DTWD2: variants seen among roughly 807,000 people sequenced by gnomAD.
DTWD2 encodes tRNA-uridine aminocarboxypropyltransferase 2.
In DTWD2, 39 loss-of-function variants were observed where a neutral mutation model predicts 31.8. That is an observed-to-expected ratio of 1.22 (90% CI 0.95 to 1.60). The LOEUF (loss-of-function observed/expected upper bound fraction) is 1.60. DTWD2 is among the 40% of genes most tolerant of loss of function. The pLI is 0.00. For missense variants in DTWD2, 515 were observed against 381.5 expected (o/e 1.35, Z -2.92); for synonymous variants, 180 against 142.8 (o/e 1.26, Z -1.86).
chr5:118,942,475 T>C (rs1375648165), intron 2 of DTWD2, among the ~76,000 whole-genome samples: 1 of 151,710 alleles, frequency 6.6e-6, no homozygotes, highest in African/African-American at 2.4e-5. Context: ...CATGGATTAA[T>C]AATGGTCAAA....
chr5:118,863,683 T>C (rs1015200790), intron 4 of DTWD2, among the ~76,000 whole-genome samples: 17 of 152,170 alleles, frequency 1.1e-4, no homozygotes, highest in Non-Finnish European at 1.3e-4. Context: ...ACATGCAGCT[T>C]GAGATGAAAA....
At chr5:118,942,714 T>G (rs760843638) in intron 2 of DTWD2, among the ~76,000 whole-genome samples, 16 of 151,988 alleles carry the variant, frequency 1.1e-4, no homozygotes, top group Non-Finnish European at 1.8e-4. Context: ...AAAAGCTATC[T>G]TATATCTGGA....
At chr5:118,975,319 C>T (rs1755127650) in intron 1 of DTWD2, among the ~76,000 whole-genome samples, 1 of 152,038 alleles carries the variant, frequency 6.6e-6, no homozygotes, top group African/African-American at 2.4e-5. Context: ...ATCGATTTGG[C>T]TACTGATACT....
intron 4 of DTWD2, among the ~76,000 whole-genome samples, chr5:118,848,480 A>C (rs1387557297): frequency 6.6e-6 from 1 of 152,200 alleles, no homozygotes; most frequent in East Asian, 1.9e-4. Flanking sequence ...GTGAATATAC[A>C]CTTCACAAAA....
At position 118,836,154 on chromosome 5, in the gene DTWD2, G is replaced by A. The variant is rs908146105; in HGVS notation, c.*4763C>T. Among the ~76,000 whole-genome samples, 2 of 151,938 alleles carry A rather than the reference G, an allele frequency of 1.3e-5. No individual in the cohort carries two copies. The highest frequency in any genetic ancestry group is 4.8e-5 in the African/African-American group (2 of 41,366). ...AGACATATAGTAAAATTTCTTATTC[G>A]AATAATTTTTTTAAAAAACCTTACA... On this transcript the variant is annotated 3_prime_UTR_variant, in exon 6 of 6. Transcript: ENST00000510708.
At position 118,848,143 on chromosome 5, in the gene DTWD2, C is replaced by G; in HGVS notation, c.673G>C (p.Glu225Gln). 10 of 1,607,054 alleles carry G rather than the reference C, an allele frequency of 6.2e-6. No individual in the cohort carries two copies. The highest frequency in any genetic ancestry group is 8.5e-6 in the Non-Finnish European group (10 of 1,176,898). ...ATGGAAAGAGCAACAGCTGCACACT[C>G]CAGTGTAGAAAGGCATCTATTAGTC... is the stretch of plus-strand genomic sequence containing the variant. ...QPTNRCLSTL[E>Q]CAAVALSILE... Residue 225 changes from glutamate to glutamine, a missense_variant, in exon 5 of 6, where the codon GAG (glutamate) becomes CAG (glutamine). Physicochemically the swap from Glu to Gln is conservative, Grantham distance 29. Transcript: ENST00000510708.
chr5:118,873,680 A>G (rs1268330575), intron 4 of DTWD2, among the ~76,000 whole-genome samples: 3 of 152,192 alleles, frequency 2.0e-5, no homozygotes, highest in African/African-American at 7.2e-5. Context: ...CACAGCCAGC[A>G]TGGCCCGCTT....
chr5:118,845,756 C>T (rs1751837571), intron 5 of DTWD2, among the ~76,000 whole-genome samples: 2 of 152,172 alleles, frequency 1.3e-5, no homozygotes, highest in South Asian at 4.1e-4. Context: ...TGGGTCCTGT[C>T]ACCATTCTGT....
intron 4 of DTWD2, among the ~76,000 whole-genome samples, chr5:118,854,220 T>C (rs1467902477): frequency 6.6e-6 from 1 of 152,180 alleles, no homozygotes; most frequent in Non-Finnish European, 1.5e-5. Flanking sequence ...AGACTTTTGA[T>C]CCAAATAAGA....
intron 1 of DTWD2, among the ~76,000 whole-genome samples, chr5:118,955,349 G>A (rs979567803): frequency 3.9e-5 from 6 of 152,070 alleles, no homozygotes; most frequent in African/African-American, 1.2e-4. Flanking sequence ...TTTCCTCCCC[G>A]ACAATGCTCT....
intron 1 of DTWD2, among the ~76,000 whole-genome samples, chr5:118,945,255 T>A (rs1294446878): frequency 6.6e-6 from 1 of 152,152 alleles, no homozygotes; most frequent in Non-Finnish European, 1.5e-5. Flanking sequence ...TTTACTTACA[T>A]TTTAGTGCTT....
At chr5:118,841,117 T>C in intron 5 of DTWD2, 30 bp from the exon 6 acceptor site, 1 of 1,578,598 alleles carries the variant, frequency 6.3e-7, no homozygotes, top group Non-Finnish European at 8.6e-7. Context: ...ACTAAAAAAG[T>C]ATCTGTGACA....
chr5:118,986,579 C>A (rs115585911), intron 1 of DTWD2, among the ~76,000 whole-genome samples: 2,513 of 152,204 alleles, frequency 0.017, 74 homozygotes, highest in African/African-American at 0.057. Flanking sequence ...ATTTTTAAAA[C>A]TATTTTAACC....
chr5:118,938,761 A>G (rs2149583739), intron 3 of DTWD2, among the ~76,000 whole-genome samples: 1 of 149,226 alleles, frequency 6.7e-6, no homozygotes, highest in East Asian at 2.0e-4. Context: ...TATATTAGGC[A>G]CCATAGGGGA....
At chr5:118,965,037 C>T (rs1382454592) in intron 1 of DTWD2, among the ~76,000 whole-genome samples, 4 of 151,402 alleles carry the variant, frequency 2.6e-5, no homozygotes, top group Non-Finnish European at 5.9e-5. Context: ...ATGTGGGGAG[C>T]ACCTCTGCCC....
At chr5:118,987,317 T>G (rs928849680) in intron 1 of DTWD2, among the ~76,000 whole-genome samples, 3 of 152,196 alleles carry the variant, frequency 2.0e-5, no homozygotes, top group Non-Finnish European at 2.9e-5. Flanking sequence ...TTAGAAAATA[T>G]AAAAACATTC....
chr5:118,949,497 C>G (rs1255887185), intron 1 of DTWD2, among the ~76,000 whole-genome samples: 2 of 152,164 alleles, frequency 1.3e-5, no homozygotes, highest in African/African-American at 4.8e-5. Flanking sequence ...GATCCTGAAC[C>G]AACCTGTAAG....
intron 4 of DTWD2, among the ~76,000 whole-genome samples, chr5:118,924,380 TA>T: frequency 6.6e-6 from 1 of 152,304 alleles, no homozygotes; most frequent in South Asian, 2.1e-4. Flanking sequence ...AAGCCTCTCC[TA>T]CTCACTCTGA....
At position 118,947,219 on chromosome 5, in the gene DTWD2, T is replaced by C. The variant is rs1461421028; in HGVS notation, c.219-2570A>G. 3.9e-5 allele frequency among the ~76,000 whole-genome samples: 6 copies of C among 152,162 alleles called. No individual in the cohort carries two copies. In the East Asian group the frequency reaches 9.6e-4, roughly 24 times the overall value. ...TGTCTAGGTGAGTACTCGTGACCCC[T>C]GAAGCCCCAGAGGGCATGTGATACA... On this transcript the variant is annotated intron_variant, in intron 1 of 5. Coordinates refer to ENST00000510708, the MANE Select transcript of DTWD2 (RefSeq NM_173666.4).
Sources: allele counts gnomAD v4.1 joint callset (sites outside exome capture counted in the v4.1 genomes callset), GRCh38; gene constraint gnomAD v4.1.1; transcripts MANE v1.5; gene names NCBI Gene and HGNC (gene_info 2026-07-23, HGNC 2026-07-21).